Variants in VPS13B observed in about 807,000 individuals in gnomAD.
VPS13B encodes intermembrane lipid transfer protein VPS13B.
In VPS13B, 285 loss-of-function variants were observed where a neutral mutation model predicts 426.4. That is an observed-to-expected ratio of 0.67 (90% confidence interval 0.61 to 0.74). VPS13B has a LOEUF of 0.74. Among genes scored for constraint, VPS13B ranks in the 30% least tolerant of loss-of-function variants. The probability of loss-of-function intolerance (pLI) is 0.00; values close to 1 mark genes in which losing one functional copy is unlikely to be tolerated. For missense variants in VPS13B, 4,537 were observed against 4,782.6 expected, an observed-to-expected ratio of 0.95 and a Z score of 1.51; for synonymous variants, 1,676 against 1,676.4, an observed-to-expected ratio of 1.00 and a Z score of 0.01.
At chr8:99,451,053 A>C (rs1436653617) in intron 23 of VPS13B, among the ~76,000 whole-genome samples, 2 of 152,240 alleles carry the variant, frequency 1.3e-5, no homozygotes, top group Non-Finnish European at 2.9e-5. Flanking sequence ...GAATGCAACC[A>C]GAATAATAAA....
At chr8:99,042,187 A>G (rs1025536554) in intron 3 of VPS13B, among the ~76,000 whole-genome samples, 2 of 152,010 alleles carry the variant, frequency 1.3e-5, no homozygotes, top group Non-Finnish European at 2.9e-5. Flanking sequence ...TAAAAATCTG[A>G]GATTATCTTC....
At chr8:99,726,882 T>C (rs186039523) in intron 39 of VPS13B, among the ~76,000 whole-genome samples, 1 of 152,328 alleles carries the variant, frequency 6.6e-6, no homozygotes, top group Non-Finnish European at 1.5e-5. Flanking sequence ...CAGTATGAAG[T>C]ATTTTATTAT....
chr8:99,661,740 C>T (rs1830234407), intron 35 of VPS13B, among the ~76,000 whole-genome samples: 1 of 152,038 alleles, frequency 6.6e-6, no homozygotes, highest in Non-Finnish European at 1.5e-5. Flanking sequence ...GAAGCCAAAG[C>T]CCCAATATTT....
Position 99,103,011 on chromosome 8 carries a change from T to C in VPS13B, c.471T>C (p.Asn157=). 1.9e-6 allele frequency: 3 copies of C among 1,612,816 alleles called. No homozygotes were observed. The highest frequency in any genetic ancestry group is 2.5e-6 in the Non-Finnish European group (3 of 1,178,900). Residue 157 remains asparagine (N), a synonymous_variant, in exon 5 of 62, where the codon AAT becomes AAC. Transcript: ENST00000357162. ...VVNNVNIVIN[N]LILKYVEDDI... ...ATAATGTAAACATTGTGATAAATAA[T>C]CTCATACTAAAATATGTTGAAGATG... is the stretch of plus-strand genomic sequence containing the variant.
At chr8:99,464,159 C>A (rs1006515707) in intron 23 of VPS13B, among the ~76,000 whole-genome samples, 7 of 152,080 alleles carry the variant, frequency 4.6e-5, no homozygotes, top group African/African-American at 1.7e-4. Flanking sequence ...AAATACAGAC[C>A]TGCCTGAGTC....
At chr8:99,365,019 A>G (rs1812775435) in intron 19 of VPS13B, among the ~76,000 whole-genome samples, 1 of 152,088 alleles carries the variant, frequency 6.6e-6, no homozygotes, top group Non-Finnish European at 1.5e-5. Context: ...GTTACATGTA[A>G]CAAGGAATTT....
At chr8:99,140,561 C>T (rs988385964) in intron 12 of VPS13B, among the ~76,000 whole-genome samples, 1 of 149,448 alleles carries the variant, frequency 6.7e-6, no homozygotes, top group East Asian at 2.0e-4. Context: ...TCCTCCTTCT[C>T]CTCCTTTCTT....
chr8:99,632,102 T>C (rs1377206534), intron 33 of VPS13B, among the ~76,000 whole-genome samples: 1 of 151,982 alleles, frequency 6.6e-6, no homozygotes, highest in Non-Finnish European at 1.5e-5. Context: ...AAGAACACTC[T>C]TTAATGGTGC....
intron 16 of VPS13B, among the ~76,000 whole-genome samples, chr8:99,176,515 A>C (rs1196405917): frequency 6.6e-6 from 1 of 152,194 alleles, no homozygotes; most frequent in Non-Finnish European, 1.5e-5. Flanking sequence ...AAAAGCCATG[A>C]TGCTATAAGA....
intron 7 of VPS13B, among the ~76,000 whole-genome samples, chr8:99,116,745 T>C (rs771599135): frequency 4.6e-5 from 7 of 152,166 alleles, no homozygotes; most frequent in Non-Finnish European, 8.8e-5. Flanking sequence ...AGGATATACA[T>C]TTGATAAAAG....
intron 17 of VPS13B, among the ~76,000 whole-genome samples, chr8:99,213,275 C>G (rs1815202268): frequency 6.6e-6 from 1 of 151,976 alleles, no homozygotes; most frequent in Non-Finnish European, 1.5e-5. Flanking sequence ...TTTGTTATTA[C>G]TACCTAATTC....
intron 43 of VPS13B, 104 bp downstream of exon 43, chr8:99,784,580 G>A (rs558048693): frequency 2.7e-6 from 4 of 1,468,280 alleles, no homozygotes; most frequent in South Asian, 2.3e-5. Flanking sequence ...AGTCTCCGAA[G>A]GAACCACACA....
chr8:99,765,444 A>C (rs566993038), intron 39 of VPS13B, among the ~76,000 whole-genome samples: 202 of 152,328 alleles, frequency 1.3e-3, no homozygotes, highest in Non-Finnish European at 1.8e-3. Context: ...AACTGCTGTC[A>C]GGATCTGGGA....
chr8:99,477,272 CTT>C (rs1292103191), intron 24 of VPS13B, among the ~76,000 whole-genome samples: 1 of 152,064 alleles, frequency 6.6e-6, no homozygotes. Flanking sequence ...CTAAAAATGT[CTT>C]TTACTGTTTT....
intron 5 of VPS13B, among the ~76,000 whole-genome samples, chr8:99,110,102 T>G (rs1032778148): frequency 6.6e-6 from 1 of 152,152 alleles, no homozygotes; most frequent in Non-Finnish European, 1.5e-5. Flanking sequence ...ACTTTGAAAT[T>G]TATCTGCAAA....
At chr8:99,849,005 A>G in intron 55 of VPS13B, 111 bp downstream of exon 55, 1 of 1,023,882 alleles carries the variant, frequency 9.8e-7, no homozygotes, top group Non-Finnish European at 1.5e-6. Context: ...GCTTTTGGTT[A>G]ATTATCATGT....
chr8:99,875,370 A>G (rs768603620), intron 61 of VPS13B, 48 bp from the exon 62 acceptor site: 1 of 1,613,518 alleles, frequency 6.2e-7, no homozygotes, highest in Admixed American at 1.7e-5. Flanking sequence ...TTGTTCTGGA[A>G]CTCTCGTAAG....
At chr8:99,478,447 G>GTTTTTTTTTTTTTTTTTTTTTTTTTTT (rs56261645) in intron 24 of VPS13B, among the ~76,000 whole-genome samples, 2 of 85,758 alleles carry the variant, frequency 2.3e-5, no homozygotes, top group African/African-American at 1.0e-4. Flanking sequence ...TTTTTGTTTT[G>GTTTTTTTTTTTTTTTTTTTTTTTTTTT]TTTTTTTTTT....
chr8:99,387,156 T>G (rs1047573867), intron 20 of VPS13B, among the ~76,000 whole-genome samples: 1 of 152,196 alleles, frequency 6.6e-6, no homozygotes, highest in Non-Finnish European at 1.5e-5. Flanking sequence ...AAACATATTT[T>G]AAGACTTTTG....
Sources: gnomAD v4.1 joint callset for allele counts (sites outside exome capture counted in the v4.1 genomes callset) on GRCh38, gnomAD v4.1.1 for gene constraint, MANE v1.5 for transcripts, NCBI Gene and HGNC (gene_info 2026-07-23, HGNC 2026-07-21) for gene names.